Variants in GPR61 observed in about 807,000 individuals in gnomAD.
GPR61 encodes G protein-coupled receptor 61, also known as G-protein coupled receptor 61.
Under a neutral mutation model 29.2 loss-of-function variants are expected in GPR61, and 15 were observed. The observed-to-expected ratio is 0.51, with a 90% confidence interval of 0.34 to 0.79. GPR61 has a LOEUF of 0.79. Ranked by LOEUF, GPR61 falls within the 30% of genes least tolerant of loss-of-function variation. GPR61 has a pLI of 0.01. For missense variants in GPR61, 399 were observed against 582.5 expected, an observed-to-expected ratio of 0.69 and a Z score of 3.24; for synonymous variants, 238 against 242.3, an observed-to-expected ratio of 0.98 and a Z score of 0.17.
Position 109,545,145 on chromosome 1 carries a change from A to G in GPR61, c.*767A>G, listed in dbSNP as rs1438707499. 1 of 152,228 alleles carries G rather than the reference A, an allele frequency of 6.6e-6. No individual in the cohort carries two copies. The highest frequency in any genetic ancestry group is 1.5e-5 in the Non-Finnish European group (1 of 68,060). 9.4% of individuals were successfully genotyped at this position (152,228 alleles called of 1,614,324 possible). On this transcript the variant is annotated 3_prime_UTR_variant, in exon 2 of 2. Transcript: ENST00000527748. ...GGTAGAGCCTGATCTTAGCAGAGAC[A>G]AGAATAAGGCAGGATGGCTTTCCTC...
Position 109,546,624 on chromosome 1 carries a change from G to A in GPR61, c.*2246G>A, listed in dbSNP as rs1157591146. 6.6e-6 allele frequency: 1 copy of A among 152,194 alleles called. No homozygotes were observed. Among genetic ancestry groups the A allele is most frequent in the Non-Finnish European group, 1.5e-5 (1 of 68,032 alleles). The allele number at this position is 152,194 out of a possible 1,614,324, so 9.4% of individuals were successfully genotyped here. A position where few individuals can be genotyped will look rare whatever the true frequency, so the allele number is the denominator to read the frequency against. ...AAAGAAGAAAGTTTTAAGAGCAAGG[G>A]TATCTTTAATTCAGGCTGAAATTTC... On this transcript the variant is annotated 3_prime_UTR_variant, in exon 2 of 2. Transcript: ENST00000527748.
chr1:109,543,519 T>G lies in GPR61; in HGVS notation c.497T>G (p.Val166Gly). 1 of 1,614,062 alleles carries G rather than the reference T, an allele frequency of 6.2e-7. No homozygotes were observed. The highest frequency in any genetic ancestry group is 8.5e-7 in the Non-Finnish European group (1 of 1,179,984). ...CTGGTGGCCTCTGTGCTGGTGGGTG[T>G]GTGGGTGAAGGCCTTGGCCATGGCT... is the stretch of plus-strand genomic sequence containing the variant. ...LGLVASVLVG[V>G]WVKALAMASV... The change falls in exon 2 of 2, where the codon GTG becomes GGG. Residue 166 changes from valine to glycine, a missense_variant. Physicochemically the swap from Val to Gly is moderately radical, Grantham distance 109. Transcript: ENST00000527748. This position sits in a 1 kb window ranked among gnomAD's most constrained non-coding sequence, Gnocchi z 6.8.
In GPR61 at chr1:109,544,183, G is replaced by T; in HGVS notation, c.1161G>T (p.Gly387=). The part of the protein sequence containing the change: ...IEENFLQFLQ[G]TGCPSESWVS... ...AGAACTTCCTGCAGTTCCTTCAGGG[G>T]ACTGGCTGTCCTTCTGAGTCCTGGG... The change falls in exon 2 of 2, where the codon GGG becomes GGT. Residue 387 remains glycine (G), a synonymous_variant. Transcript: ENST00000527748. The surrounding 1 kb of genome is among the most constrained non-coding windows in gnomAD (Gnocchi z 4.6). 1.2e-6 allele frequency: 2 copies of T among 1,614,104 alleles called. No homozygotes were observed. The highest frequency in any genetic ancestry group is 1.7e-6 in the Non-Finnish European group (2 of 1,180,024).
chr1:109,542,598 G>C lies in GPR61; in HGVS notation c.-425G>C, dbSNP rs767099960. 2.3e-6 allele frequency: 1 copy of C among 437,198 alleles called. No homozygotes were observed. Among genetic ancestry groups the C allele is most frequent in the South Asian group, 1.6e-5 (1 of 63,096 alleles). 27.1% of individuals were successfully genotyped at this position (437,198 alleles called of 1,614,324 possible). ...CCTAAAACTGAGGCACTATCCCAGA[G>C]ATCAGCAGGACCCTGGGAAGGAGAA... On this transcript the variant is annotated 5_prime_UTR_variant, in exon 2 of 2. Transcript: ENST00000527748.
At position 109,543,596 on chromosome 1, in the gene GPR61, C is replaced by T. The variant is rs781543922; in HGVS notation, c.574C>T (p.Pro192Ser). The change falls in exon 2 of 2, where the codon CCC (proline) becomes TCC (serine). Residue 192 changes from proline (P) to serine (S), a missense_variant. Around this residue, in one of 3 missense-constraint regions of GPR61, gnomAD observed 320 missense variants for 459.8 expected, o/e 0.70. Transcript: ENST00000527748. This position sits in a 1 kb window ranked among gnomAD's most constrained non-coding sequence, Gnocchi z 6.8. ...CTGGGAGGAAGGAGCTCCCAGTGTC[C>T]CCCCAGGCTGTTCACTCCAGTGGAG... The part of the protein sequence containing the change: ...VSWEEGAPSV[P>S]PGCSLQWSHS... 1.7e-5 allele frequency: 28 copies of T among 1,614,098 alleles called. No individual in the cohort carries two copies. Among genetic ancestry groups the T allele is most frequent in the Non-Finnish European group, 2.1e-5 (25 of 1,180,004 alleles).
In GPR61 at chr1:109,545,635, C is replaced by T. The variant is rs1404385904; in HGVS notation, c.*1257C>T. The T allele has an allele frequency of 1.3e-5, 2 of 152,166 alleles. No individual in the cohort carries two copies. The highest frequency in any genetic ancestry group is 2.1e-4 in the South Asian group (1 of 4,830). 9.4% of individuals were successfully genotyped at this position (152,166 alleles called of 1,614,324 possible). On this transcript the variant is annotated 3_prime_UTR_variant, in exon 2 of 2. Coordinates refer to ENST00000527748, the MANE Select transcript of GPR61 (RefSeq NM_001393907.1). The stretch of plus-strand genomic sequence containing the variant: ...GAATAACTGCAAACTGGACAGGACA[C>T]CCATCTGGGACCACCTGTCCATCCT...
In GPR61 at chr1:109,544,579, G is replaced by GAC; in HGVS notation, c.*202_*203dup. On this transcript the variant is annotated 3_prime_UTR_variant, in exon 2 of 2. Transcript: ENST00000527748. This position sits in a 1 kb window ranked among gnomAD's most constrained non-coding sequence, Gnocchi z 4.6. ...AGCCTTGGACTTGGCTGTGATCTTT[G>GAC]ACTGCTAGGGGAGGGAACCTGGGTA... 1 of 561,048 alleles carries GAC rather than the reference G, an allele frequency of 1.8e-6. No homozygotes were observed. The highest frequency in any genetic ancestry group is 2.8e-5 in the South Asian group (1 of 35,692). The allele number at this position is 561,048 out of a possible 1,614,324, so 34.8% of individuals were successfully genotyped here.
At position 109,544,398 on chromosome 1, in the gene GPR61, A is replaced by G; in HGVS notation, c.*20A>G. 2 of 1,577,932 alleles carry G rather than the reference A, an allele frequency of 1.3e-6. No homozygotes were observed. The highest frequency in any genetic ancestry group is 8.7e-7 in the Non-Finnish European group (1 of 1,152,178). ...TCATGATGGGCCGCTGGACACTCGG[A>G]GGGATATGGGGCTGGGGCCAGTTAT... On this transcript the variant is annotated 3_prime_UTR_variant, in exon 2 of 2. Transcript: ENST00000527748. This position sits in a 1 kb window ranked among gnomAD's most constrained non-coding sequence, Gnocchi z 4.6.
rs1231668751 is a variant in GPR61 at position 109,542,492 on chromosome 1, C to T, written c.-531C>T. Reference sequence around the variant, plus strand: ...TAATGCCCAGAACTGGGACTAGAAACTAAATTTTGTGCTCCTTCTACTCCC... The same window carrying T: ...TAATGCCCAGAACTGGGACTAGAAATTAAATTTTGTGCTCCTTCTACTCCC... On this transcript the variant is annotated 5_prime_UTR_variant, in exon 2 of 2. Coordinates refer to ENST00000527748, the MANE Select transcript of GPR61 (RefSeq NM_001393907.1). 3 of 329,842 alleles carry T rather than the reference C, an allele frequency of 9.1e-6. No homozygotes were observed. The highest frequency in any genetic ancestry group is 1.8e-5 in the Non-Finnish European group (3 of 162,804). The allele number at this position is 329,842 out of a possible 1,614,324, so 20.4% of individuals were successfully genotyped here.
At position 109,543,525 on chromosome 1, in the gene GPR61, T is replaced by C. The variant is rs1327375520; in HGVS notation, c.503T>C (p.Val168Ala). 6.2e-7 allele frequency: 1 copy of C among 1,613,942 alleles called. No individual in the cohort carries two copies. The highest frequency in any genetic ancestry group is 1.7e-5 in the Admixed American group (1 of 60,002). The change falls in exon 2 of 2, where the codon GTG becomes GCG. Residue 168 changes from valine to alanine, a missense_variant. Val to Ala is a moderately conservative substitution (Grantham distance 64, BLOSUM62 0). This residue lies in a region of GPR61 where 320 missense variants were observed against 459.8 expected (regional missense o/e 0.70). Transcript: ENST00000527748. This position sits in a 1 kb window ranked among gnomAD's most constrained non-coding sequence, Gnocchi z 6.8. ...GCCTCTGTGCTGGTGGGTGTGTGGG[T>C]GAAGGCCTTGGCCATGGCTTCTGTG... ...LVASVLVGVW[V>A]KALAMASVPV...
chr1:109,543,255 T>G lies in GPR61; in HGVS notation c.233T>G (p.Phe78Cys), dbSNP rs1346487321. 6.2e-7 allele frequency: 1 copy of G among 1,614,064 alleles called. No individual in the cohort carries two copies. Among genetic ancestry groups the G allele is most frequent in the Non-Finnish European group, 8.5e-7 (1 of 1,180,036 alleles). The change falls in exon 2 of 2, where the codon TTC (phenylalanine) becomes TGC (cysteine). Residue 78 changes from phenylalanine (F) to cysteine (C), a missense_variant. By Grantham distance (205) the Phe-to-Cys change is radical. This residue lies in a region of GPR61 where 78 missense variants were observed against 101.0 expected (regional missense o/e 0.77). Coordinates refer to ENST00000527748, the MANE Select transcript of GPR61 (RefSeq NM_001393907.1). The surrounding 1 kb of genome is among the most constrained non-coding windows in gnomAD (Gnocchi z 6.8). ...ACGCCTGCCCTCCGAAAATTTGTCT[T>G]CGTCTTCCACCTCTGCCTGGTGGAC... ...AKTPALRKFVFVFHLCLVDLL... is the reference protein window; with the variant it reads ...AKTPALRKFVCVFHLCLVDLL...
Position 109,545,861 on chromosome 1 carries a change from T to C in GPR61, c.*1483T>C, listed in dbSNP as rs756562936. ...ATACTGATAACAACATTGACTCCTT[T>C]AGTTCAATTCAGTGCATAATAGTTG... On this transcript the variant is annotated 3_prime_UTR_variant, in exon 2 of 2. Coordinates refer to ENST00000527748, the MANE Select transcript of GPR61 (RefSeq NM_001393907.1). 6.6e-6 allele frequency: 1 copy of C among 152,236 alleles called. No homozygotes were observed. The highest frequency in any genetic ancestry group is 1.5e-5 in the Non-Finnish European group (1 of 68,052). 9.4% of individuals were successfully genotyped at this position (152,236 alleles called of 1,614,324 possible).
chr1:109,541,637 G>A (rs1232208046), intron 1 of GPR61, among the ~76,000 whole-genome samples: 1 of 152,222 alleles, frequency 6.6e-6, no homozygotes, highest in Non-Finnish European at 1.5e-5. Flanking sequence ...TGTGACTGTA[G>A]TAAGTCTAGA....
At chr1:109,541,437 C>T (rs1647638607) in intron 1 of GPR61, among the ~76,000 whole-genome samples, 1 of 152,228 alleles carries the variant, frequency 6.6e-6, no homozygotes, top group Admixed American at 6.5e-5. Flanking sequence ...GCACCTATTG[C>T]ATGCATAGCA....
Position 109,546,636 on chromosome 1 carries a change from C to A in GPR61, c.*2258C>A, listed in dbSNP as rs1647810919. Reference sequence around the variant, plus strand: ...TTTAAGAGCAAGGGTATCTTTAATTCAGGCTGAAATTTCCTGACACTGTGA... The same window carrying A: ...TTTAAGAGCAAGGGTATCTTTAATTAAGGCTGAAATTTCCTGACACTGTGA... On this transcript the variant is annotated 3_prime_UTR_variant, in exon 2 of 2. Transcript: ENST00000527748. 1 of 152,190 alleles carries A rather than the reference C, an allele frequency of 6.6e-6. No homozygotes were observed. The highest frequency in any genetic ancestry group is 1.5e-5 in the Non-Finnish European group (1 of 68,030). 9.4% of individuals were successfully genotyped at this position (152,190 alleles called of 1,614,324 possible).
At position 109,543,149 on chromosome 1, in the gene GPR61, T is replaced by G. The variant is rs759166770; in HGVS notation, c.127T>G (p.Ser43Ala). The change falls in exon 2 of 2, where the codon TCT becomes GCT. Residue 43 changes from serine to alanine, a missense_variant. By Grantham distance (99) the Ser-to-Ala change is moderately conservative. Transcript: ENST00000527748. This position sits in a 1 kb window ranked among gnomAD's most constrained non-coding sequence, Gnocchi z 6.8. ...EVGLRDVASE[S>A]VALFFMLLLD... ...GGGGCTACGGGATGTTGCTTCGGAA[T>G]CTGTGGCCCTCTTCTTCATGCTCCT... 1.9e-6 allele frequency: 3 copies of G among 1,608,066 alleles called. No homozygotes were observed. The highest frequency in any genetic ancestry group is 1.7e-5 in the Admixed American group (1 of 59,872).
At position 109,542,427 on chromosome 1, in the gene GPR61, T is replaced by C; in HGVS notation, c.-596T>C. 1.0e-5 allele frequency: 3 copies of C among 299,092 alleles called. No individual in the cohort carries two copies. The highest frequency in any genetic ancestry group is 9.0e-5 in the South Asian group (3 of 33,274). 18.5% of individuals were successfully genotyped at this position (299,092 alleles called of 1,614,324 possible). A position where few individuals can be genotyped will look rare whatever the true frequency, so the allele number is the denominator to read the frequency against. On this transcript the variant is annotated 5_prime_UTR_variant, in exon 2 of 2. Transcript: ENST00000527748. Reference sequence around the variant, plus strand: ...TTCTTCCTTTCATTTTACAGATGGATTTATGAGGAAACTGAAATTCAGAAG... The same window carrying C: ...TTCTTCCTTTCATTTTACAGATGGACTTATGAGGAAACTGAAATTCAGAAG...
chr1:109,541,907 A>T (rs916588136), intron 1 of GPR61, among the ~76,000 whole-genome samples: 2 of 152,224 alleles, frequency 1.3e-5, no homozygotes, highest in South Asian at 4.1e-4. Flanking sequence ...CAACATTCCC[A>T]AAGTGGCAGC....
rs541186557 is a variant in GPR61, at chr1:109,543,853, C to T, written c.831C>T (p.His277=). The change falls in exon 2 of 2, where the codon CAC becomes CAT. Residue 277 remains histidine (H), a synonymous_variant. Coordinates refer to ENST00000527748, the MANE Select transcript of GPR61 (RefSeq NM_001393907.1). This position sits in a 1 kb window ranked among gnomAD's most constrained non-coding sequence, Gnocchi z 6.8. ...TSSGAPQTTP[H]RTFGGGKAAV... The stretch of plus-strand genomic sequence containing the variant: ...CGGGGGCCCCCCAGACCACCCCACA[C>T]CGGACGTTTGGGGGAGGGAAAGCAG... 50 of 1,613,360 alleles carry T rather than the reference C, an allele frequency of 3.1e-5. No individual in the cohort carries two copies. The Admixed American group carries it at 7.3e-4, about 24-fold the overall frequency.
Sources: allele counts gnomAD v4.1 joint callset (sites outside exome capture counted in the v4.1 genomes callset), GRCh38; gene constraint gnomAD v4.1.1; regional missense constraint gnomAD v4.1.1; non-coding constraint Gnocchi (gnomAD v3.1); transcripts MANE v1.5; gene names NCBI Gene and HGNC (gene_info 2026-07-23, HGNC 2026-07-21).